Variants in AK9 observed in about 807,000 individuals in gnomAD.
AK9 encodes adenylate kinase domain containing 1.
Under a neutral mutation model 239.6 loss-of-function variants are expected in AK9, and 191 were observed. That is an observed-to-expected ratio of 0.80 (90% CI 0.71 to 0.90). The LOEUF (loss-of-function observed/expected upper bound fraction) is 0.90, where lower values mean the gene tolerates loss of function less well. AK9 is among the 40% of genes least tolerant of loss of function. The pLI is 0.00. For synonymous variants in AK9, 689 were observed against 721.0 expected, an observed-to-expected ratio of 0.96 and a Z score of 0.71; for missense variants, 1,995 against 2,214.7, an observed-to-expected ratio of 0.90 and a Z score of 1.99.
At chr6:109,546,196 T>C (rs1283625801) in intron 25 of AK9, 69 bp from the exon 26 acceptor site, 19 of 1,409,290 alleles carry the variant, frequency 1.3e-5, no homozygotes, top group Non-Finnish European at 1.8e-5. Flanking sequence ...TTTTGAGTAA[T>C]TTAGAACACA....
In AK9 at chr6:109,516,007, T is replaced by C. The variant is rs763092495; in HGVS notation, c.3915A>G (p.Gln1305=). 3 of 1,551,158 alleles carry C rather than the reference T, an allele frequency of 1.9e-6. No homozygotes were observed. The highest frequency in any genetic ancestry group is 1.4e-5 in the African/African-American group (1 of 73,022). ...INGARRNHIV[Q]YTLNMKLKPL... is the part of the protein sequence containing the mutation. ...GTTTCAGTTTCATATTCAATGTATA[T>C]TGTACAATGTGATTTCTCCGAGCTC... Residue 1305 remains glutamine (Q), a synonymous_variant, in exon 31 of 41, where the codon CAA becomes CAG. Coordinates refer to ENST00000424296, the MANE Select transcript of AK9 (RefSeq NM_001145128.3).
chr6:109,515,778 T>C, intron 31 of AK9, 79 bp downstream of exon 31: 1 of 1,291,882 alleles, frequency 7.7e-7, no homozygotes, highest in Non-Finnish European at 1.1e-6. Flanking sequence ...AATTATCCAG[T>C]CTTTTTCCTT....
intron 1 of AK9, among the ~76,000 whole-genome samples, chr6:109,684,537 T>G (rs1389534277): frequency 1.4e-5 from 2 of 147,260 alleles, no homozygotes; most frequent in Non-Finnish European, 3.0e-5. Flanking sequence ...ACAAAGAACT[T>G]AAACAAACTT....
At chr6:109,541,265 C>G (rs1427874030) in intron 27 of AK9, among the ~76,000 whole-genome samples, 1 of 152,122 alleles carries the variant, frequency 6.6e-6, no homozygotes, top group African/African-American at 2.4e-5. Context: ...CAAAAATTAT[C>G]CATAATCCCA....
At chr6:109,624,913 A>T (rs1286357320) in intron 12 of AK9, among the ~76,000 whole-genome samples, 1 of 152,040 alleles carries the variant, frequency 6.6e-6, no homozygotes, top group African/African-American at 2.4e-5. Flanking sequence ...TAATACCTAA[A>T]AGGTAACTTT....
chr6:109,660,074 A>G (rs1030570734), intron 6 of AK9, among the ~76,000 whole-genome samples: 5 of 152,226 alleles, frequency 3.3e-5, no homozygotes, highest in Admixed American at 2.6e-4. Context: ...CCAAATTACA[A>G]TTAAAACCAT....
At chr6:109,535,697 T>C (rs980357972) in intron 27 of AK9, among the ~76,000 whole-genome samples, 5 of 152,220 alleles carry the variant, frequency 3.3e-5, no homozygotes, top group Non-Finnish European at 5.9e-5. Context: ...GTGTCCTGAA[T>C]GGTATTGCCT....
intron 8 of AK9, among the ~76,000 whole-genome samples, chr6:109,647,472 A>G (rs1229545210): frequency 2.6e-5 from 4 of 152,218 alleles, no homozygotes. Context: ...GAAACCAACA[A>G]AGATCAAAAG....
intron 24 of AK9, among the ~76,000 whole-genome samples, chr6:109,555,631 T>C (rs1414228052): frequency 2.6e-5 from 4 of 152,228 alleles, no homozygotes; most frequent in African/African-American, 9.6e-5. Flanking sequence ...ACTATTATTG[T>C]GTGGGATTCT....
At chr6:109,511,865 A>G (rs887877334) in intron 32 of AK9, among the ~76,000 whole-genome samples, 1 of 152,180 alleles carries the variant, frequency 6.6e-6, no homozygotes, top group African/African-American at 2.4e-5. Flanking sequence ...AAAAAATGAG[A>G]TATCAGGTAA....
intron 32 of AK9, among the ~76,000 whole-genome samples, chr6:109,512,022 A>G (rs1032466659): frequency 1.3e-5 from 2 of 152,206 alleles, no homozygotes; most frequent in African/African-American, 4.8e-5. Context: ...CATCTTGAGT[A>G]GGGGCTGGGT....
chr6:109,494,576 GC>G (rs1446328393), intron 39 of AK9: 2 of 152,614 alleles, frequency 1.3e-5, no homozygotes, highest in Non-Finnish European at 2.9e-5. Context: ...AAGGTAAGAG[GC>G]CCTCCTGATA....
chr6:109,582,083 G>GA (rs2128208550), intron 19 of AK9, among the ~76,000 whole-genome samples: 1 of 152,192 alleles, frequency 6.6e-6, no homozygotes, highest in Non-Finnish European at 1.5e-5. Context: ...CTACTGCTTA[G>GA]AAAAAAAGAT....
chr6:109,619,199 T>C lies in AK9; in HGVS notation c.1292A>G (p.Asp431Gly). The C allele has an allele frequency of 1.3e-6, 2 of 1,550,268 alleles. No homozygotes were observed. The highest frequency in any genetic ancestry group is 1.7e-6 in the Non-Finnish European group (2 of 1,146,324). ...TTCTACTAATGTTTCACGGGCTTTA[T>C]CAAAACGTGGCTGAACAAGTTGGGC... is the stretch of plus-strand genomic sequence containing the variant. ...DYAQLVQPRF[D>G]KARETLVENT... The change falls in exon 13 of 41, where the codon GAT becomes GGT. Residue 431 changes from aspartate to glycine, a missense_variant. Transcript: ENST00000424296.
intron 24 of AK9, among the ~76,000 whole-genome samples, chr6:109,555,167 C>T (rs572672133): frequency 2.0e-5 from 3 of 152,292 alleles, no homozygotes; most frequent in Admixed American, 1.3e-4. Context: ...AAATTTCCCT[C>T]TTAACACTGC....
intron 12 of AK9, among the ~76,000 whole-genome samples, chr6:109,626,410 T>C (rs900186833): frequency 2.0e-5 from 3 of 152,218 alleles, no homozygotes; most frequent in Admixed American, 1.3e-4. Context: ...TGATACATTA[T>C]TAGGGACTTT....
chr6:109,533,232 AT>A lies in AK9; in HGVS notation c.3570+18del. 6.4e-7 allele frequency: 1 copy of A among 1,565,762 alleles called. No individual in the cohort carries two copies. Among genetic ancestry groups the A allele is most frequent in the African/African-American group, 1.4e-5 (1 of 73,098 alleles). On this transcript the variant is annotated intron_variant, in intron 28 of 40. Transcript: ENST00000424296. ...GATGCTGAACAGATTTATTCAATGC[AT>A]TTTTGCTAGATACATACCCTGATTT...
intron 12 of AK9, among the ~76,000 whole-genome samples, chr6:109,629,708 C>T (rs1049425143): frequency 1.3e-5 from 2 of 151,818 alleles, no homozygotes; most frequent in Non-Finnish European, 2.9e-5. Context: ...TCTCGGCTCA[C>T]TGCAAGCTCC....
chr6:109,640,764 A>G (rs1797321733), intron 10 of AK9, among the ~76,000 whole-genome samples: 1 of 152,096 alleles, frequency 6.6e-6, no homozygotes, highest in South Asian at 2.1e-4. Context: ...TTCTCAGAAT[A>G]GGTCAAATTC....
Sources: allele counts gnomAD v4.1 joint callset (sites outside exome capture counted in the v4.1 genomes callset), GRCh38; gene constraint gnomAD v4.1.1; transcripts MANE v1.5; gene names NCBI Gene and HGNC (gene_info 2026-07-23, HGNC 2026-07-21).